The following GNG4 variants were observed in gnomAD, a reference collection of about 807,000 sequenced individuals.
The protein encoded by GNG4 is G protein subunit gamma 4.
A neutral mutation model predicts 5.8 loss-of-function variants in GNG4; 4 were observed. The observed-to-expected ratio is 0.69, with a 90% CI of 0.34 to 1.57. The LOEUF (loss-of-function observed/expected upper bound fraction) is 1.57, where lower values mean the gene tolerates loss of function less well. GNG4 is among the 40% of genes most tolerant of loss of function. GNG4 has a pLI of 0.06. For synonymous variants in GNG4, 29 were observed against 32.9 expected, an observed-to-expected ratio of 0.88 and a Z score of 0.41; for missense variants, 96 against 95.1, an observed-to-expected ratio of 1.01 and a Z score of -0.04.
At chr1:235,620,693 G>A (rs1688691688) in intron 1 of GNG4, among the ~76,000 whole-genome samples, 1 of 152,060 alleles carries the variant, frequency 6.6e-6, no homozygotes, top group Non-Finnish European at 1.5e-5. Context: ...CCGCCACCAC[G>A]CCCAGCTAAG....
At chr1:235,586,450 C>A (rs1261961286) in intron 2 of GNG4, among the ~76,000 whole-genome samples, 2 of 152,146 alleles carry the variant, frequency 1.3e-5, no homozygotes, top group Non-Finnish European at 2.9e-5. Context: ...GAGACACAGT[C>A]TAGTTCCCAA....
intron 1 of GNG4, among the ~76,000 whole-genome samples, chr1:235,632,980 A>G (rs1253449598): frequency 6.6e-6 from 1 of 152,226 alleles, no homozygotes; most frequent in Non-Finnish European, 1.5e-5. Flanking sequence ...CATCTGTTCC[A>G]TACATTCAAA....
chr1:235,602,808 T>C (rs1256811365), intron 1 of GNG4, among the ~76,000 whole-genome samples: 1 of 152,210 alleles, frequency 6.6e-6, no homozygotes, highest in African/African-American at 2.4e-5. Context: ...TGGGTTCTCC[T>C]AGCGTTCATC....
intron 1 of GNG4, among the ~76,000 whole-genome samples, chr1:235,637,811 T>A (rs1321614384): frequency 2.0e-5 from 3 of 152,160 alleles, no homozygotes; most frequent in Admixed American, 6.5e-5. Flanking sequence ...TTTTAAACCA[T>A]CTGATAATGG....
intron 2 of GNG4, among the ~76,000 whole-genome samples, chr1:235,587,632 G>GT (rs369790755): frequency 0.11 from 139 of 1,248 alleles, 29 homozygotes; most frequent in South Asian, 0.22. Context: ...AATGTGGGGT[G>GT]GAGTGTGAGT....
At chr1:235,556,731 AC>A (rs1332311460) in intron 3 of GNG4, among the ~76,000 whole-genome samples, 1 of 94,688 alleles carries the variant, frequency 1.1e-5, no homozygotes, top group African/African-American at 5.2e-5. Context: ...GATTTATCGT[AC>A]ACTTTATTTC....
intron 3 of GNG4, among the ~76,000 whole-genome samples, chr1:235,569,563 C>A (rs1036889123): frequency 6.7e-6 from 1 of 150,310 alleles, no homozygotes; most frequent in Non-Finnish European, 1.5e-5. Flanking sequence ...GAATTTTGCT[C>A]TTGTTGCCCA....
At chr1:235,561,086 T>C (rs1687048853) in intron 3 of GNG4, among the ~76,000 whole-genome samples, 1 of 152,220 alleles carries the variant, frequency 6.6e-6, no homozygotes, top group African/African-American at 2.4e-5. Flanking sequence ...CTCGGCTCAC[T>C]GCAAGCTCCA....
chr1:235,617,881 C>G (rs966344965), intron 1 of GNG4, among the ~76,000 whole-genome samples: 1 of 144,000 alleles, frequency 6.9e-6, no homozygotes, highest in African/African-American at 2.5e-5. Context: ...TGAGACTCTG[C>G]CTCTATCTAA....
intron 2 of GNG4, among the ~76,000 whole-genome samples, chr1:235,588,646 G>A (rs115147189): frequency 9.2e-5 from 14 of 151,702 alleles, no homozygotes; most frequent in Admixed American, 5.9e-4. Flanking sequence ...CAGCCTCTGC[G>A]AGGCCCTCAG....
At chr1:235,631,858 G>A (rs112492757) in intron 1 of GNG4, among the ~76,000 whole-genome samples, 2,279 of 152,244 alleles carry the variant, frequency 0.015, 69 homozygotes, top group African/African-American at 0.051. Flanking sequence ...ATGAGCCACC[G>A]CGCCTGGCCA....
intron 1 of GNG4, among the ~76,000 whole-genome samples, chr1:235,624,104 CTT>C (rs34430706): frequency 0.028 from 3,901 of 138,796 alleles, 98 homozygotes; most frequent in African/African-American, 0.069. Flanking sequence ...TGGCCAATTC[CTT>C]TTTTTTTTTT....
chr1:235,611,432 C>T (rs1688472899), intron 1 of GNG4, among the ~76,000 whole-genome samples: 2 of 152,158 alleles, frequency 1.3e-5, no homozygotes, highest in Admixed American at 6.5e-5. Context: ...ACTTTGCCTA[C>T]CAATGTGCTG....
intron 2 of GNG4, among the ~76,000 whole-genome samples, chr1:235,593,580 G>C (rs905378359): frequency 4.6e-5 from 7 of 152,206 alleles, no homozygotes; most frequent in African/African-American, 1.7e-4. Context: ...GCGGACCCGC[G>C]CCGTGAGTGT....
chr1:235,632,453 T>A (rs1269584334), intron 1 of GNG4, among the ~76,000 whole-genome samples: 2 of 152,170 alleles, frequency 1.3e-5, no homozygotes, highest in African/African-American at 2.4e-5. Flanking sequence ...CAGAAATGAA[T>A]TAGAAAATTC....
chr1:235,626,958 C>CAAAAAAAAAAAAAAAAAAAAAAA (rs776506587), intron 1 of GNG4, among the ~76,000 whole-genome samples: 1 of 77,356 alleles, frequency 1.3e-5, no homozygotes. Context: ...GACTCTATCT[C>CAAAAAAAAAAAAAAAAAAAAAAA]AAAAAAAAAA....
At chr1:235,631,679 T>G (rs1688935549) in intron 1 of GNG4, among the ~76,000 whole-genome samples, 1 of 151,958 alleles carries the variant, frequency 6.6e-6, no homozygotes, top group Non-Finnish European at 1.5e-5. Flanking sequence ...GCGATTCTCC[T>G]GCCTCAGCCT....
At chr1:235,630,672 A>G (rs1419493312) in intron 1 of GNG4, among the ~76,000 whole-genome samples, 1 of 152,212 alleles carries the variant, frequency 6.6e-6, no homozygotes, top group African/African-American at 2.4e-5. Context: ...GACGCAGCTC[A>G]GAATGACCTA....
Position 235,649,710 on chromosome 1 carries a change from G to A in GNG4, c.-171C>T, listed in dbSNP as rs559547055. On this transcript the variant is annotated 5_prime_UTR_variant, in exon 1 of 4. Coordinates refer to ENST00000391854, the MANE Select transcript of GNG4 (RefSeq NM_001098722.2). This position sits in a 1 kb window ranked among gnomAD's most constrained non-coding sequence, Gnocchi z 5.7. Reference sequence around the variant, plus strand: ...TTCGTCTGCAGCGCGGTGCTCGCGGGGGGCGGCCAGGCCGAGCGGCATCGC... The same window carrying A: ...TTCGTCTGCAGCGCGGTGCTCGCGGAGGGCGGCCAGGCCGAGCGGCATCGC... The A allele has an allele frequency of 6.6e-6, 1 of 151,816 alleles. No homozygotes were observed. Among genetic ancestry groups the A allele is most frequent in the South Asian group, 2.1e-4 (1 of 4,836 alleles). The allele number at this position is 151,816 out of a possible 1,614,324, so 9.4% of individuals were successfully genotyped here. A position where few individuals can be genotyped will look rare whatever the true frequency, so the allele number is the denominator to read the frequency against.
Sources: allele counts gnomAD v4.1 joint callset (sites outside exome capture counted in the v4.1 genomes callset), GRCh38; gene constraint gnomAD v4.1.1; non-coding constraint Gnocchi (gnomAD v3.1); transcripts MANE v1.5; gene names NCBI Gene and HGNC (gene_info 2026-07-23, HGNC 2026-07-21).